UBR3: variants seen among roughly 807,000 people sequenced by gnomAD.
The protein encoded by UBR3 is ubiquitin protein ligase E3 component n-recognin 3.
Under a neutral mutation model 243.2 loss-of-function variants are expected in UBR3, and 85 were observed. The observed-to-expected ratio is 0.35, with a 90% CI of 0.29 to 0.42. The LOEUF (loss-of-function observed/expected upper bound fraction) is 0.42. Ranked by LOEUF, UBR3 falls within the 10% of genes least tolerant of loss-of-function variation. UBR3 has a pLI of 1.00. For missense variants in UBR3, 1,686 were observed against 2,300.8 expected (o/e 0.73, Z 5.47); for synonymous variants, 748 against 799.8 (o/e 0.94, Z 1.09).
chr2:169,883,198 G>C (rs762197296), intron 5 of UBR3, among the ~76,000 whole-genome samples: 11 of 152,208 alleles, frequency 7.2e-5, no homozygotes, highest in Non-Finnish European at 1.3e-4. Flanking sequence ...ATAGTCATCT[G>C]AGGGCTTCAC....
intron 24 of UBR3, chr2:169,964,483 C>T (rs371196331): frequency 1.3e-5 from 6 of 467,600 alleles, no homozygotes; most frequent in Admixed American, 7.2e-5. Flanking sequence ...AGAGAATGGT[C>T]ACCTTATCCT....
At chr2:170,080,495 A>G (rs1253609965) in intron 37 of UBR3, 50 bp from the exon 38 acceptor site, 3 of 1,488,352 alleles carry the variant, frequency 2.0e-6, no homozygotes, top group Non-Finnish European at 9.0e-7. Context: ...TGATTTTATT[A>G]TAAAGCCTAT....
chr2:170,004,288 A>G (rs892948944), intron 27 of UBR3, among the ~76,000 whole-genome samples: 2 of 152,194 alleles, frequency 1.3e-5, no homozygotes, highest in Non-Finnish European at 2.9e-5. Flanking sequence ...GAAGGAATCA[A>G]CGTGATAGGT....
intron 19 of UBR3, among the ~76,000 whole-genome samples, chr2:169,935,345 G>A (rs559888956): frequency 6.4e-4 from 98 of 152,080 alleles, no homozygotes; most frequent in Non-Finnish European, 1.3e-3. Context: ...GTTTAAAAGT[G>A]TTTTGTAGAG....
At chr2:169,979,213 T>G (rs1306280890) in intron 24 of UBR3, among the ~76,000 whole-genome samples, 1 of 152,202 alleles carries the variant, frequency 6.6e-6, no homozygotes, top group African/African-American at 2.4e-5. Flanking sequence ...GAGATACCAC[T>G]ACATGGCTAT....
intron 19 of UBR3, among the ~76,000 whole-genome samples, chr2:169,938,666 T>G (rs1336547442): frequency 6.6e-6 from 1 of 152,206 alleles, no homozygotes; most frequent in Non-Finnish European, 1.5e-5. Context: ...TTTTTTTCTT[T>G]AATTTTCCTG....
chr2:169,845,509 C>CGTCGTT (rs1491503352), intron 1 of UBR3, among the ~76,000 whole-genome samples: 1 of 137,006 alleles, frequency 7.3e-6, no homozygotes, highest in African/African-American at 3.1e-5. Flanking sequence ...TCATCGTCGT[C>CGTCGTT]GTCGTCGTCG....
intron 32 of UBR3, among the ~76,000 whole-genome samples, chr2:170,053,668 G>C (rs924891784): frequency 1.3e-5 from 2 of 152,214 alleles, no homozygotes; most frequent in Non-Finnish European, 2.9e-5. Flanking sequence ...AAGAAAGGAT[G>C]GAAGTCTAGT....
At chr2:170,062,841 T>C (rs13416409) in intron 35 of UBR3, among the ~76,000 whole-genome samples, 1 of 152,202 alleles carries the variant, frequency 6.6e-6, no homozygotes, top group Non-Finnish European at 1.5e-5. Flanking sequence ...GGTGTTTGAG[T>C]GTACAGTGAT....
intron 33 of UBR3, among the ~76,000 whole-genome samples, chr2:170,057,610 C>G (rs560335483): frequency 6.6e-6 from 1 of 152,002 alleles, no homozygotes; most frequent in Admixed American, 6.5e-5. Flanking sequence ...AAATTTGGGT[C>G]TAACTATTTA....
At chr2:169,866,420 G>A (rs2083267303) in intron 1 of UBR3, among the ~76,000 whole-genome samples, 1 of 151,192 alleles carries the variant, frequency 6.6e-6, no homozygotes, top group Non-Finnish European at 1.5e-5. Context: ...CTGGAGTGCA[G>A]TGGCGAGATC....
At chr2:169,883,252 T>C (rs1376964091) in intron 5 of UBR3, among the ~76,000 whole-genome samples, 2 of 152,170 alleles carry the variant, frequency 1.3e-5, no homozygotes, top group Non-Finnish European at 2.9e-5. Flanking sequence ...GGGCTGATAG[T>C]TGATGCTGAC....
chr2:169,948,009 G>T, intron 22 of UBR3: 1 of 874,358 alleles, frequency 1.1e-6, no homozygotes, highest in African/African-American at 1.8e-5. Context: ...CCGCTTTGAA[G>T]TATTTGTGTG....
intron 31 of UBR3, among the ~76,000 whole-genome samples, chr2:170,033,878 A>G (rs1356269639): frequency 1.3e-5 from 2 of 151,770 alleles, no homozygotes; most frequent in Admixed American, 6.6e-5. Context: ...CTATATTCCT[A>G]TTAACTCTTC....
chr2:169,974,758 T>A (rs948581227), intron 24 of UBR3, among the ~76,000 whole-genome samples: 1 of 152,228 alleles, frequency 6.6e-6, no homozygotes, highest in Non-Finnish European at 1.5e-5. Context: ...GGTTGTTTAT[T>A]TGAAATCTTT....
At chr2:170,021,091 A>C (rs1266387950) in intron 30 of UBR3, among the ~76,000 whole-genome samples, 1 of 152,162 alleles carries the variant, frequency 6.6e-6, no homozygotes, top group African/African-American at 2.4e-5. Flanking sequence ...CTAGAGAGTG[A>C]GATTCTGTTC....
intron 23 of UBR3, among the ~76,000 whole-genome samples, chr2:169,955,610 G>A (rs1574279792): frequency 1.3e-5 from 2 of 151,622 alleles, no homozygotes; most frequent in Admixed American, 1.3e-4. Flanking sequence ...CCTGGCCAAT[G>A]TGGAGAAACC....
intron 5 of UBR3, among the ~76,000 whole-genome samples, chr2:169,879,411 C>T (rs961917155): frequency 1.3e-5 from 2 of 152,022 alleles, no homozygotes; most frequent in Non-Finnish European, 2.9e-5. Flanking sequence ...AGTTTTTCCC[C>T]TCTAAAAAGG....
chr2:170,079,875 A>G lies in UBR3; in HGVS notation c.5261A>G (p.Tyr1754Cys). The change falls in exon 37 of 39, where the codon TAT (tyrosine) becomes TGT (cysteine). Residue 1754 changes from tyrosine to cysteine, a missense_variant. Around this residue, in one of 8 missense-constraint regions of UBR3, gnomAD observed 89 missense variants for 183.3 expected, o/e 0.49. Coordinates refer to ENST00000272793, the MANE Select transcript of UBR3 (RefSeq NM_172070.4). ...CACCTACTACAGTTGCCTGAGAATTATAACACCATTTTTCAGTACTACCAC... is the reference window on the plus strand; with the variant it reads ...CACCTACTACAGTTGCCTGAGAATTGTAACACCATTTTTCAGTACTACCAC... ...LPHLLQLPEN[Y>C]NTIFQYYHRK... 6.2e-7 allele frequency: 1 copy of G among 1,614,082 alleles called. No homozygotes were observed. The highest frequency in any genetic ancestry group is 8.5e-7 in the Non-Finnish European group (1 of 1,179,954).
Sources: gnomAD v4.1 joint callset for allele counts (sites outside exome capture counted in the v4.1 genomes callset) on GRCh38, gnomAD v4.1.1 for gene constraint, gnomAD v4.1.1 regional missense constraint, MANE v1.5 for transcripts, NCBI Gene and HGNC (gene_info 2026-07-23, HGNC 2026-07-21) for gene names.